Variants in STARD13 observed in about 807,000 individuals in gnomAD.
The protein encoded by STARD13 is StAR related lipid transfer domain containing 13, also known as stAR-related lipid transfer protein 13.
Under a neutral mutation model 106.4 loss-of-function variants are expected in STARD13, and 62 were observed. That is an observed-to-expected ratio of 0.58 (90% confidence interval 0.48 to 0.72). The LOEUF is 0.72. Among genes scored for constraint, STARD13 ranks in the 30% least tolerant of loss-of-function variants. The pLI, the probability that STARD13 is intolerant of heterozygous loss-of-function variation, is 0.00. For synonymous variants in STARD13, 565 were observed against 553.0 expected, an observed-to-expected ratio of 1.02 and a Z score of -0.31; for missense variants, 1,387 against 1,424.0, an observed-to-expected ratio of 0.97 and a Z score of 0.42.
intron 1 of STARD13, among the ~76,000 whole-genome samples, chr13:33,328,720 T>C (rs550620051): frequency 3.3e-5 from 5 of 152,304 alleles, no homozygotes; most frequent in African/African-American, 1.2e-4. Context: ...ATAGGGGCCC[T>C]TGAGTCACAA....
At chr13:33,118,905 G>A (rs1333823754) in intron 7 of STARD13, among the ~76,000 whole-genome samples, 1 of 152,102 alleles carries the variant, frequency 6.6e-6, no homozygotes, top group Non-Finnish European at 1.5e-5. Context: ...CTACCTGTTT[G>A]TTTTTATGCA....
chr13:33,145,354 T>A (rs1414696400), intron 3 of STARD13, among the ~76,000 whole-genome samples: 1 of 152,164 alleles, frequency 6.6e-6, no homozygotes, highest in Admixed American at 6.5e-5. Flanking sequence ...CAACATTAAG[T>A]ATTAGCAAGG....
chr13:33,350,796 A>G (rs2138625719), upstream of STARD13: 1 of 328,964 alleles, frequency 3.0e-6, no homozygotes, highest in East Asian at 1.8e-4. Context: ...CCCTCGCCCA[A>G]CCTGACAGCC....
At chr13:33,454,555 G>A in the STARD13 span, among the ~76,000 whole-genome samples, 1 of 152,186 alleles carries the variant, frequency 6.6e-6, no homozygotes, top group Non-Finnish European at 1.5e-5. Flanking sequence ...AATTGCCAAA[G>A]GAGATACGAT....
At chr13:33,184,360 G>GGCTGCT in intron 1 of STARD13, among the ~76,000 whole-genome samples, 1 of 152,154 alleles carries the variant, frequency 6.6e-6, no homozygotes, top group African/African-American at 2.4e-5. Flanking sequence ...ATATGGGCAC[G>GGCTGCT]GCTGCTGCTG....
At chr13:33,343,577 T>TAAAAAAAAAAAAA (rs1292508834) in intron 1 of STARD13, among the ~76,000 whole-genome samples, 9 of 37,102 alleles carry the variant, frequency 2.4e-4, no homozygotes, top group Admixed American at 4.2e-4. Context: ...GACCCTGTCT[T>TAAAAAAAAAAAAA]AAAAAAAAAA....
At chr13:33,429,931 G>GC in the STARD13 span, among the ~76,000 whole-genome samples, 1 of 149,372 alleles carries the variant, frequency 6.7e-6, no homozygotes, top group African/African-American at 2.5e-5. Context: ...TTTTTTTGGG[G>GC]GGGGGGGACG....
chr13:33,296,204 G>T (rs138173241), intron 1 of STARD13, among the ~76,000 whole-genome samples: 5 of 145,960 alleles, frequency 3.4e-5, no homozygotes, highest in Admixed American at 7.0e-5. Flanking sequence ...ACTCCAGCCT[G>T]GGTGACAGAG....
chr13:33,261,255 C>T (rs1890625313), intron 1 of STARD13, among the ~76,000 whole-genome samples: 1 of 152,108 alleles, frequency 6.6e-6, no homozygotes, highest in Admixed American at 6.5e-5. Flanking sequence ...CTTCTGGTAT[C>T]CAGAGGTAAA....
the STARD13 span, among the ~76,000 whole-genome samples, chr13:33,504,368 A>G: frequency 1.3e-5 from 2 of 152,136 alleles, no homozygotes; most frequent in African/African-American, 2.4e-5. Context: ...ATGTTCATCA[A>G]TGATAGACTG....
the STARD13 span, among the ~76,000 whole-genome samples, chr13:33,662,129 G>A: frequency 1.3e-5 from 2 of 151,882 alleles, no homozygotes; most frequent in African/African-American, 4.8e-5. Flanking sequence ...GGGCGTGGTG[G>A]TGGGCGCCTA....
the STARD13 span, chr13:33,610,923 G>A: frequency 6.6e-6 from 1 of 152,278 alleles, no homozygotes; most frequent in East Asian, 1.9e-4. Flanking sequence ...GAAGGGCACA[G>A]TGGTGGCAGA....
chr13:33,605,518 TAAC>T, the STARD13 span, among the ~76,000 whole-genome samples: 1 of 151,878 alleles, frequency 6.6e-6, no homozygotes, highest in Non-Finnish European at 1.5e-5. Flanking sequence ...TGCAGTAGGG[TAAC>T]AACAACAACA....
At chr13:33,125,969 G>A in intron 7 of STARD13, 112 bp downstream of exon 7, 1 of 1,120,928 alleles carries the variant, frequency 8.9e-7, no homozygotes, top group Non-Finnish European at 1.3e-6. Context: ...TTTTATTTTT[G>A]GTGAGGCATG....
the STARD13 span, among the ~76,000 whole-genome samples, chr13:33,592,676 G>T: frequency 6.6e-6 from 1 of 152,212 alleles, no homozygotes; most frequent in African/African-American, 2.4e-5. Flanking sequence ...ACTTGCTTAA[G>T]ATCATAGGGC....
At chr13:33,410,719 T>G in the STARD13 span, among the ~76,000 whole-genome samples, 1 of 152,216 alleles carries the variant, frequency 6.6e-6, no homozygotes, top group Non-Finnish European at 1.5e-5. Context: ...TCACACAGTA[T>G]GGCATAATGA....
At chr13:33,401,418 A>T in the STARD13 span, among the ~76,000 whole-genome samples, 2 of 152,200 alleles carry the variant, frequency 1.3e-5, no homozygotes, top group Admixed American at 6.5e-5. Context: ...AAATTGGGGC[A>T]GAGAGCCAAG....
the STARD13 span, among the ~76,000 whole-genome samples, chr13:33,501,884 G>T: frequency 6.6e-6 from 1 of 151,998 alleles, no homozygotes; most frequent in African/African-American, 2.4e-5. Context: ...GGTTCCGTAT[G>T]ATCTTTAAAG....
At chr13:33,390,059 C>G in the STARD13 span, among the ~76,000 whole-genome samples, 1 of 152,042 alleles carries the variant, frequency 6.6e-6, no homozygotes, top group Non-Finnish European at 1.5e-5. Flanking sequence ...AAATTTCATA[C>G]CGTCATTGGT....
Sources: allele counts gnomAD v4.1 joint callset (sites outside exome capture counted in the v4.1 genomes callset), GRCh38; gene constraint gnomAD v4.1.1; transcripts MANE v1.5; gene names NCBI Gene and HGNC (gene_info 2026-07-23, HGNC 2026-07-21).